The following TRIM61 variants were observed in gnomAD, a reference collection of about 807,000 sequenced individuals.
The protein encoded by TRIM61 is tripartite motif containing 61.
Under a neutral mutation model 14.2 loss-of-function variants are expected in TRIM61, and 1 was observed. The observed-to-expected ratio is 0.07, with a 90% CI of 0.03 to 0.33. The LOEUF (loss-of-function observed/expected upper bound fraction) is 0.33, where lower values mean the gene tolerates loss of function less well. Among genes scored for constraint, TRIM61 ranks in the 10% least tolerant of loss-of-function variants. The pLI, the probability that TRIM61 is intolerant of heterozygous loss-of-function variation, is 0.99. For missense variants in TRIM61, 19 were observed against 202.2 expected, an observed-to-expected ratio of 0.09 and a Z score of 5.49; for synonymous variants, 8 against 71.6, an observed-to-expected ratio of 0.11 and a Z score of 4.49.
At chr4:164,971,267 CCATCT>C (rs952914910) in intron 2 of TRIM61, among the ~76,000 whole-genome samples, 2 of 151,990 alleles carry the variant, frequency 1.3e-5, no homozygotes, top group African/African-American at 4.8e-5. Context: ...CAGCGGGAAG[CCATCT>C]GAAACTTTCA....
At chr4:164,959,763 C>T (rs1471005977) in intron 3 of TRIM61, among the ~76,000 whole-genome samples, 1 of 152,094 alleles carries the variant, frequency 6.6e-6, no homozygotes, top group African/African-American at 2.4e-5. Flanking sequence ...TTAATGGTAA[C>T]GATAGCAATA....
chr4:164,954,923 A>G lies in TRIM61; in HGVS notation c.*16+53T>C, dbSNP rs1447678078. The G allele has an allele frequency of 1.5e-5, 4 of 271,866 alleles. No individual in the cohort carries two copies. In the East Asian group the frequency reaches 4.6e-4, roughly 31 times the overall value. The allele number at this position is 271,866 out of a possible 1,614,324, so 16.8% of individuals were successfully genotyped here. A position where few individuals can be genotyped will look rare whatever the true frequency, so the allele number is the denominator to read the frequency against. ...TCGAGACCATCTGGCCAACATGATG[A>G]AACCCTGTCTCTACTAGAAATACAG... On this transcript the variant is annotated intron_variant, in intron 4 of 4. Transcript: ENST00000329314.
intron 3 of TRIM61, among the ~76,000 whole-genome samples, chr4:164,963,479 G>A (rs568241911): frequency 1.3e-5 from 2 of 152,108 alleles, no homozygotes; most frequent in Non-Finnish European, 2.9e-5. Flanking sequence ...GACAGGGCAC[G>A]GTGGCTCACG....
At chr4:164,957,097 A>G in intron 3 of TRIM61, 1 of 1,567,948 alleles carries the variant, frequency 6.4e-7, no homozygotes, top group Non-Finnish European at 8.6e-7. Flanking sequence ...CCAGCCCTGC[A>G]GGGTGGGCTG....
rs1579138795 is a variant in TRIM61, at chr4:164,954,991, C to T, written c.*1G>A. 6.6e-6 allele frequency: 2 copies of T among 303,690 alleles called. No individual in the cohort carries two copies. The highest frequency in any genetic ancestry group is 1.3e-5 in the Non-Finnish European group (2 of 148,370). The allele number at this position is 303,690 out of a possible 1,614,324, so 18.8% of individuals were successfully genotyped here. A position where few individuals can be genotyped will look rare whatever the true frequency, so the allele number is the denominator to read the frequency against. On this transcript the variant is annotated 3_prime_UTR_variant, in exon 4 of 5. Transcript: ENST00000329314. ...TGGAGGGCACCTGTAGTCCCAGCTA[C>T]TCAGGAGCCAGAGGCAGAAGAATCG...
intron 3 of TRIM61, among the ~76,000 whole-genome samples, chr4:164,961,492 A>G (rs1732135378): frequency 6.6e-6 from 1 of 151,984 alleles, no homozygotes; most frequent in African/African-American, 2.4e-5. Context: ...AAATGGTGTC[A>G]TTTGTGGATA....
intron 3 of TRIM61, among the ~76,000 whole-genome samples, chr4:164,963,923 A>G (rs1164024236): frequency 1.3e-5 from 2 of 152,184 alleles, no homozygotes; most frequent in Non-Finnish European, 2.9e-5. Flanking sequence ...AGCAAAATAA[A>G]AATAAAAATG....
intron 3 of TRIM61, among the ~76,000 whole-genome samples, chr4:164,960,941 ACT>A (rs1732116754): frequency 6.6e-6 from 1 of 151,834 alleles, no homozygotes; most frequent in Admixed American, 6.6e-5. Flanking sequence ...GCAGAGTAAG[ACT>A]CTATCTCAAA....
rs550543806 is a variant in TRIM61 at position 164,962,599 on chromosome 4, A to G, written c.525+6879T>C. Among the ~76,000 whole-genome samples, 5 of 152,110 alleles carry G rather than the reference A, an allele frequency of 3.3e-5. No individual in the cohort carries two copies. In the East Asian group the frequency reaches 7.7e-4, roughly 24 times the overall value. ...GCTGCCAACTCACAATTCTATAACC[A>G]ATTAGCATATTTATCAAAATCAATG... On this transcript the variant is annotated intron_variant, in intron 3 of 4. Coordinates refer to ENST00000329314, the MANE Select transcript of TRIM61 (RefSeq NM_001012414.3).
chr4:164,975,097 G>A (rs1732453409), intron 2 of TRIM61, among the ~76,000 whole-genome samples: 1 of 152,040 alleles, frequency 6.6e-6, no homozygotes, highest in Non-Finnish European at 1.5e-5. Flanking sequence ...GCCGGGCATG[G>A]TGGCGCGCCT....
intron 3 of TRIM61, among the ~76,000 whole-genome samples, chr4:164,964,662 G>A (rs1732201341): frequency 6.6e-6 from 1 of 152,142 alleles, no homozygotes; most frequent in Non-Finnish European, 1.5e-5. Context: ...TTATGTAGGG[G>A]AAAAGAATAT....
At chr4:164,963,971 A>T (rs1001896700) in intron 3 of TRIM61, among the ~76,000 whole-genome samples, 15 of 152,126 alleles carry the variant, frequency 9.9e-5, no homozygotes, top group African/African-American at 3.6e-4. Context: ...CTAAAGCAGT[A>T]TTTAGAGTGA....
chr4:164,967,035 A>G (rs569318307), intron 3 of TRIM61, among the ~76,000 whole-genome samples: 9 of 152,362 alleles, frequency 5.9e-5, no homozygotes, highest in Non-Finnish European at 1.2e-4. Context: ...ACTCCAATGG[A>G]ATCTAAACAA....
chr4:164,965,153 T>C (rs541619806), intron 3 of TRIM61, among the ~76,000 whole-genome samples: 1 of 152,112 alleles, frequency 6.6e-6, no homozygotes, highest in South Asian at 2.1e-4. Context: ...CCGGGCACGG[T>C]GACGCGAGTC....
At chr4:164,971,329 C>T (rs1479409075) in intron 2 of TRIM61, among the ~76,000 whole-genome samples, 6 of 151,920 alleles carry the variant, frequency 3.9e-5, no homozygotes, top group Non-Finnish European at 7.4e-5. Flanking sequence ...CGGTGGCTCA[C>T]GCCTGTAATC....
rs565433754 is a variant in TRIM61, at chr4:164,963,674, G to T, written c.525+5804C>A. Among the ~76,000 whole-genome samples, 14 of 151,786 alleles carry T rather than the reference G, an allele frequency of 9.2e-5. 1 individual carries two copies. The highest frequency in any genetic ancestry group is 9.2e-4 in the Admixed American group (14 of 15,256). On this transcript the variant is annotated intron_variant, in intron 3 of 4. Transcript: ENST00000329314. ...TGGGAGAATCGCTTGAACCCAGTAG[G>T]CAGGGGTTGTAGTAAGCCGAGATTG...
intron 3 of TRIM61, among the ~76,000 whole-genome samples, chr4:164,961,459 C>G: frequency 6.6e-6 from 1 of 151,454 alleles, no homozygotes; most frequent in East Asian, 1.9e-4. Flanking sequence ...AAAAAGAGAG[C>G]CTTAGAACTG....
intron 2 of TRIM61, among the ~76,000 whole-genome samples, chr4:164,970,642 C>T (rs796291456): frequency 2.0e-5 from 3 of 151,630 alleles, no homozygotes; most frequent in African/African-American, 4.9e-5. Context: ...AGCATTCTTA[C>T]AAGACAACTG....
intron 3 of TRIM61, chr4:164,957,018 A>T: frequency 3.3e-6 from 5 of 1,494,628 alleles, no homozygotes; most frequent in Non-Finnish European, 4.5e-6. Context: ...CATGTACCAC[A>T]GTGGATGGAA....
Sources: gnomAD v4.1 joint callset for allele counts (sites outside exome capture counted in the v4.1 genomes callset) on GRCh38, gnomAD v4.1.1 for gene constraint, MANE v1.5 for transcripts, NCBI Gene and HGNC (gene_info 2026-07-23, HGNC 2026-07-21) for gene names.